FNIP1: variants seen among roughly 807,000 people sequenced by gnomAD.
FNIP1 encodes folliculin interacting protein 1, also known as folliculin-interacting protein 1.
A neutral mutation model predicts 124.5 loss-of-function variants in FNIP1; 40 were observed. The ratio of observed to expected loss-of-function variants is 0.32; its 90% CI spans 0.25 to 0.42. The LOEUF (loss-of-function observed/expected upper bound fraction) is 0.42. FNIP1 is among the 10% of genes least tolerant of loss of function. FNIP1 has a pLI of 1.00. For missense variants in FNIP1, 1,176 were observed against 1,403.7 expected (o/e 0.84, Z 2.59); for synonymous variants, 472 against 470.6 (o/e 1.00, Z -0.04).
rs75928306 is a variant in FNIP1, at chr5:131,750,051, T to C, written c.93-5361A>G. On this transcript the variant is annotated intron_variant, in intron 1 of 17. Transcript: ENST00000510461. ...CTACATAACGTTGAAGACTATGAACTAGGACGATGTACTGGCTGCAAACTA... is the reference window on the plus strand; with the variant it reads ...CTACATAACGTTGAAGACTATGAACCAGGACGATGTACTGGCTGCAAACTA... Among the ~76,000 whole-genome samples the C allele has an allele frequency of 4.7e-3, 716 of 152,310 alleles. 8 individuals carry two copies. Among genetic ancestry groups the C allele is most frequent in the African/African-American group, 0.016 (680 of 41,564 alleles).
intron 2 of FNIP1, among the ~76,000 whole-genome samples, chr5:131,743,444 C>T (rs528000709): frequency 6.7e-6 from 1 of 150,164 alleles, no homozygotes; most frequent in East Asian, 2.0e-4. Context: ...AAGAGACACT[C>T]TAGAGAGCCT....
intron 1 of FNIP1, among the ~76,000 whole-genome samples, chr5:131,754,962 G>A (rs1770995296): frequency 6.6e-6 from 1 of 152,214 alleles, no homozygotes; most frequent in African/African-American, 2.4e-5. Context: ...AATAAAGGAT[G>A]AGAATGGCTG....
intron 2 of FNIP1, among the ~76,000 whole-genome samples, chr5:131,743,130 G>GA (rs1378687754): frequency 1.3e-5 from 2 of 152,064 alleles, no homozygotes; most frequent in African/African-American, 2.4e-5. Flanking sequence ...TCTACCTAGA[G>GA]AAAATCAGAA....
intron 1 of FNIP1, among the ~76,000 whole-genome samples, chr5:131,791,801 C>T (rs912489144): frequency 6.6e-6 from 1 of 151,912 alleles, no homozygotes; most frequent in Non-Finnish European, 1.5e-5. Context: ...CTAAGAATGG[C>T]TTTTATTAAG....
At chr5:131,737,970 A>G (rs1770371151) in intron 2 of FNIP1, among the ~76,000 whole-genome samples, 1 of 152,210 alleles carries the variant, frequency 6.6e-6, no homozygotes, top group Non-Finnish European at 1.5e-5. Flanking sequence ...TAGTGGGGAT[A>G]TGGTTTCAGG....
At position 131,706,500 on chromosome 5, in the gene FNIP1, G is replaced by A; in HGVS notation, c.825C>T (p.Ser275=). The change falls in exon 9 of 18, where the codon TCC becomes TCT. Residue 275 remains serine (S), a synonymous_variant. Coordinates refer to ENST00000510461, the MANE Select transcript of FNIP1 (RefSeq NM_133372.3). ...TGCTGGCACAACTTCGGGTAAGTGA[G>A]GAGTTTGGGGAAGGAAATGGAGTGA... ...LLITPFPSPN[S]SLTRSCASSY... is the part of the protein sequence containing the mutation. The A allele has an allele frequency of 1.2e-6, 2 of 1,613,418 alleles. No homozygotes were observed. The highest frequency in any genetic ancestry group is 4.5e-5 in the East Asian group (2 of 44,858).
At chr5:131,652,408 G>A (rs1482568611) in intron 15 of FNIP1, among the ~76,000 whole-genome samples, 1 of 152,184 alleles carries the variant, frequency 6.6e-6, no homozygotes, top group South Asian at 2.1e-4. Flanking sequence ...AGGCTGGAGT[G>A]CAGTGGTGCA....
intron 11 of FNIP1, among the ~76,000 whole-genome samples, chr5:131,694,277 A>G (rs1439650720): frequency 6.6e-6 from 1 of 152,238 alleles, no homozygotes; most frequent in African/African-American, 2.4e-5. Flanking sequence ...ATGAATATTT[A>G]TGGCAGTATT....
chr5:131,748,339 C>T (rs557648825), intron 1 of FNIP1, among the ~76,000 whole-genome samples: 1 of 152,248 alleles, frequency 6.6e-6, no homozygotes, highest in Admixed American at 6.5e-5. Context: ...ACCTACTGCA[C>T]TGTCAGTCAT....
intron 1 of FNIP1, among the ~76,000 whole-genome samples, chr5:131,785,359 A>G (rs2149587288): frequency 6.6e-6 from 1 of 151,792 alleles, no homozygotes; most frequent in Admixed American, 6.6e-5. Context: ...GTTCAAGACC[A>G]GCCTGCCCAA....
intron 1 of FNIP1, among the ~76,000 whole-genome samples, chr5:131,783,155 A>T (rs1458088277): frequency 2.0e-5 from 3 of 152,208 alleles, no homozygotes; most frequent in Admixed American, 2.0e-4. Flanking sequence ...TCACCTGTGT[A>T]TGCTTATATA....
At chr5:131,753,136 C>T (rs1327117185) in intron 1 of FNIP1, among the ~76,000 whole-genome samples, 3 of 152,022 alleles carry the variant, frequency 2.0e-5, no homozygotes, top group African/African-American at 4.8e-5. Context: ...ATGGCTAAAA[C>T]TGACACGACT....
At position 131,793,741 on chromosome 5, in the gene FNIP1, T is replaced by C. The variant is rs908293910; in HGVS notation, c.92+3089A>G. Among the ~76,000 whole-genome samples, 25 of 152,204 alleles carry C rather than the reference T, an allele frequency of 1.6e-4. 1 individual carries two copies. The highest frequency in any genetic ancestry group is 4.8e-4 in the African/African-American group (20 of 41,456). ...GCTGTGGCTTACAATTACTGAGCTTTGTATATTGGTTACTCTAGGAACTGC... is the reference window on the plus strand; with the variant it reads ...GCTGTGGCTTACAATTACTGAGCTTCGTATATTGGTTACTCTAGGAACTGC... On this transcript the variant is annotated intron_variant, in intron 1 of 17. Transcript: ENST00000510461.
chr5:131,742,450 G>A (rs896516289), intron 2 of FNIP1, among the ~76,000 whole-genome samples: 3 of 152,162 alleles, frequency 2.0e-5, no homozygotes, highest in East Asian at 1.9e-4. Context: ...GCGAGAGAGC[G>A]AGACCCTGTC....
At chr5:131,657,019 C>CTTTTTT (rs71000999) in intron 15 of FNIP1, among the ~76,000 whole-genome samples, 15 of 89,638 alleles carry the variant, frequency 1.7e-4, no homozygotes, top group African/African-American at 2.9e-4. Context: ...CCACCCATGC[C>CTTTTTT]TTTTTTTTTT....
chr5:131,787,214 C>T (rs940880985), intron 1 of FNIP1, among the ~76,000 whole-genome samples: 7 of 152,130 alleles, frequency 4.6e-5, no homozygotes, highest in Non-Finnish European at 7.4e-5. Flanking sequence ...TAAACAGCAC[C>T]GAGTTTAGGA....
chr5:131,745,977 G>A (rs942803107), intron 1 of FNIP1, among the ~76,000 whole-genome samples: 6 of 152,192 alleles, frequency 3.9e-5, no homozygotes, highest in Admixed American at 6.5e-5. Flanking sequence ...GTGAACTGGC[G>A]CAATGACTAT....
Position 131,706,760 on chromosome 5 carries a change from A to G in FNIP1, c.779-214T>C, listed in dbSNP as rs188798108. 2.3e-3 allele frequency among the ~76,000 whole-genome samples: 350 copies of G among 152,358 alleles called. 2 individuals are homozygous for G. Among genetic ancestry groups the G allele is most frequent in the Non-Finnish European group, 4.2e-3 (284 of 68,036 alleles). On this transcript the variant is annotated intron_variant, in intron 8 of 17. Coordinates refer to ENST00000510461, the MANE Select transcript of FNIP1 (RefSeq NM_133372.3). Reference sequence around the variant, plus strand: ...TGTATCAGCAAAAAACTCTGAGACAATCCCCTTTTGGCATTCCCCTCTAGG... The same window carrying G: ...TGTATCAGCAAAAAACTCTGAGACAGTCCCCTTTTGGCATTCCCCTCTAGG...
chr5:131,669,796 C>T (rs1767697922), intron 15 of FNIP1, among the ~76,000 whole-genome samples: 1 of 151,806 alleles, frequency 6.6e-6, no homozygotes, highest in South Asian at 2.1e-4. Flanking sequence ...TTACAACTAA[C>T]AACATACTTA....
Sources: gnomAD v4.1 joint callset for allele counts (sites outside exome capture counted in the v4.1 genomes callset) on GRCh38, gnomAD v4.1.1 for gene constraint, MANE v1.5 for transcripts, NCBI Gene and HGNC (gene_info 2026-07-23, HGNC 2026-07-21) for gene names.